MLLT3: variants seen among roughly 807,000 people sequenced by gnomAD.
MLLT3 encodes the protein protein AF-9.
A neutral mutation model predicts 53.2 loss-of-function variants in MLLT3; 4 were observed. That is an observed-to-expected ratio of 0.08 (90% CI 0.04 to 0.17). The LOEUF (loss-of-function observed/expected upper bound fraction) is 0.17, where lower values mean the gene tolerates loss of function less well. MLLT3 is among the 10% of genes least tolerant of loss of function. The pLI is 1.00. For missense variants in MLLT3, 569 were observed against 684.0 expected (o/e 0.83, Z 1.87); for synonymous variants, 283 against 230.6 (o/e 1.23, Z -2.06).
chr9:20,487,679 A>C (rs1824848742), intron 2 of MLLT3, among the ~76,000 whole-genome samples: 1 of 152,190 alleles, frequency 6.6e-6, no homozygotes, highest in South Asian at 2.1e-4. Flanking sequence ...GGAATAACTA[A>C]TTCTTACCAA....
rs1051974856 is a variant in MLLT3 at position 20,409,990 on chromosome 9, A to C, written c.1125+3731T>G. On this transcript the variant is annotated intron_variant, in intron 5 of 10. Coordinates refer to ENST00000380338, the MANE Select transcript of MLLT3 (RefSeq NM_004529.4). Reference sequence around the variant, plus strand: ...TTGGTATGTTCTTGTCCTTTATCTCATTTAATTAAAAAGCTGAAAGATCTG... The same window carrying C: ...TTGGTATGTTCTTGTCCTTTATCTCCTTTAATTAAAAAGCTGAAAGATCTG... Among the ~76,000 whole-genome samples the C allele has an allele frequency of 4.6e-5, 7 of 152,178 alleles. No individual in the cohort carries two copies. In the East Asian group the frequency reaches 1.3e-3, roughly 29 times the overall value.
intron 2 of MLLT3, among the ~76,000 whole-genome samples, chr9:20,532,316 A>ATAT (rs1554635708): frequency 7.2e-6 from 1 of 139,658 alleles, no homozygotes; most frequent in African/African-American, 3.3e-5. Context: ...ATAGGAAAAA[A>ATAT]AAATATATAT....
chr9:20,412,421 G>A (rs1044077657), intron 5 of MLLT3, among the ~76,000 whole-genome samples: 1 of 152,140 alleles, frequency 6.6e-6, no homozygotes, highest in Non-Finnish European at 1.5e-5. Flanking sequence ...ATATGCTACT[G>A]TCCTAATCTG....
intron 2 of MLLT3, among the ~76,000 whole-genome samples, chr9:20,498,752 G>C (rs1021701496): frequency 2.6e-5 from 4 of 152,152 alleles, no homozygotes; most frequent in Non-Finnish European, 5.9e-5. Context: ...CCCTGATCTG[G>C]ATTCATGCCC....
At chr9:20,413,316 T>C (rs979787305) in intron 5 of MLLT3, among the ~76,000 whole-genome samples, 4 of 152,204 alleles carry the variant, frequency 2.6e-5, no homozygotes, top group Non-Finnish European at 4.4e-5. Flanking sequence ...ATCAACATTA[T>C]AGCCCTAATA....
At chr9:20,488,973 C>G (rs1441737911) in intron 2 of MLLT3, among the ~76,000 whole-genome samples, 1 of 152,060 alleles carries the variant, frequency 6.6e-6, no homozygotes, top group Non-Finnish European at 1.5e-5. Flanking sequence ...CTACTCAGCA[C>G]AAAAGAGGTA....
intron 2 of MLLT3, among the ~76,000 whole-genome samples, chr9:20,611,932 C>T (rs1180657060): frequency 6.6e-6 from 1 of 152,126 alleles, no homozygotes; most frequent in East Asian, 1.9e-4. Flanking sequence ...CACCCAGCAA[C>T]AATTTTTTCT....
chr9:20,497,829 G>A (rs1054761133), intron 2 of MLLT3, among the ~76,000 whole-genome samples: 2 of 152,098 alleles, frequency 1.3e-5, no homozygotes, highest in African/African-American at 2.4e-5. Flanking sequence ...ATACCTACAA[G>A]CAGAATGATT....
chr9:20,415,611 T>C (rs566581206), intron 4 of MLLT3, among the ~76,000 whole-genome samples: 2 of 152,222 alleles, frequency 1.3e-5, no homozygotes, highest in Admixed American at 6.5e-5. Flanking sequence ...ATCTTCAGGC[T>C]TGCTTATTAT....
intron 5 of MLLT3, among the ~76,000 whole-genome samples, chr9:20,402,512 C>T (rs1201383203): frequency 6.6e-6 from 1 of 151,930 alleles, no homozygotes; most frequent in African/African-American, 2.4e-5. Context: ...ATCTGGGTTT[C>T]GTCCGCTGAG....
chr9:20,462,097 T>G (rs1361649763), intron 2 of MLLT3, among the ~76,000 whole-genome samples: 1 of 152,190 alleles, frequency 6.6e-6, no homozygotes, highest in Non-Finnish European at 1.5e-5. Flanking sequence ...AGCCAGCGTC[T>G]GAAAGTCTGA....
chr9:20,384,510 A>G (rs1821981514), intron 5 of MLLT3, among the ~76,000 whole-genome samples: 1 of 152,088 alleles, frequency 6.6e-6, no homozygotes, highest in African/African-American at 2.4e-5. Flanking sequence ...GAAATAAGAG[A>G]ATTGTCAATG....
chr9:20,403,401 A>G (rs1822504417), intron 5 of MLLT3, among the ~76,000 whole-genome samples: 1 of 152,242 alleles, frequency 6.6e-6, no homozygotes, highest in Non-Finnish European at 1.5e-5. Flanking sequence ...CAATGAAGAT[A>G]AAGAGATGGG....
At chr9:20,610,351 AAAAATTC>A (rs760469473) in intron 2 of MLLT3, among the ~76,000 whole-genome samples, 33 of 152,144 alleles carry the variant, frequency 2.2e-4, no homozygotes, top group Non-Finnish European at 2.5e-4. Flanking sequence ...GAGAAAAGAG[AAAAATTC>A]ATTTTTGCCT....
intron 2 of MLLT3, among the ~76,000 whole-genome samples, chr9:20,491,421 G>C (rs1254967269): frequency 6.6e-6 from 1 of 151,932 alleles, no homozygotes; most frequent in Non-Finnish European, 1.5e-5. Context: ...CAAGAAAGCA[G>C]AAAAATCCAG....
At chr9:20,459,243 C>T (rs948957308) in intron 2 of MLLT3, among the ~76,000 whole-genome samples, 2 of 152,050 alleles carry the variant, frequency 1.3e-5, no homozygotes, top group African/African-American at 2.4e-5. Flanking sequence ...AACTGACATC[C>T]GAAGAAGTAA....
intron 2 of MLLT3, among the ~76,000 whole-genome samples, chr9:20,522,933 G>C (rs1224861487): frequency 6.6e-6 from 1 of 151,932 alleles, no homozygotes; most frequent in Non-Finnish European, 1.5e-5. Context: ...CTGCACTCCA[G>C]CCTGGGCAAC....
rs542652891 is a variant in MLLT3, at chr9:20,536,631, G to T, written c.194-79845C>A. 1.9e-4 allele frequency among the ~76,000 whole-genome samples: 29 copies of T among 152,228 alleles called. No individual in the cohort carries two copies. The South Asian group carries it at 5.4e-3, about 28-fold the overall frequency. On this transcript the variant is annotated intron_variant, in intron 2 of 10. Transcript: ENST00000380338. Reference sequence around the variant, plus strand: ...AAGGGAAAATAGTAACATAGGTAAGGCATAATACTGTAATCAAAGTCCCTT... The same window carrying T: ...AAGGGAAAATAGTAACATAGGTAAGTCATAATACTGTAATCAAAGTCCCTT...
At chr9:20,372,364 C>G (rs1451562064) in intron 5 of MLLT3, among the ~76,000 whole-genome samples, 3 of 152,080 alleles carry the variant, frequency 2.0e-5, no homozygotes, top group African/African-American at 7.2e-5. Context: ...AAAAGTCAGT[C>G]AGTCCATGCA....
Sources: gnomAD v4.1 joint callset for allele counts (sites outside exome capture counted in the v4.1 genomes callset) on GRCh38, gnomAD v4.1.1 for gene constraint, MANE v1.5 for transcripts, NCBI Gene and HGNC (gene_info 2026-07-23, HGNC 2026-07-21) for gene names.